Variants in PEPD observed in about 807,000 individuals in gnomAD.
The protein encoded by PEPD is peptidase D, also known as xaa-Pro dipeptidase.
PEPD carries 53 observed loss-of-function variants against 60.7 expected under a neutral mutation model. That is an observed-to-expected ratio of 0.87 (90% confidence interval 0.70 to 1.10). The LOEUF is 1.10. Among genes scored for constraint, PEPD ranks in the 50% least tolerant of loss-of-function variants. PEPD has a pLI of 0.00. For synonymous variants in PEPD, 267 were observed against 284.1 expected (o/e 0.94, Z 0.60); for missense variants, 711 against 711.9 (o/e 1.00, Z 0.01).
At chr19:33,488,886 A>G (rs1035814764) in intron 6 of PEPD, among the ~76,000 whole-genome samples, 2 of 152,104 alleles carry the variant, frequency 1.3e-5, no homozygotes, top group East Asian at 1.9e-4. Context: ...TAGGGGATGC[A>G]TGATAGGGGA....
chr19:33,448,770 T>A (rs1459374709), intron 9 of PEPD, among the ~76,000 whole-genome samples: 1 of 152,128 alleles, frequency 6.6e-6, no homozygotes, highest in Non-Finnish European at 1.5e-5. Flanking sequence ...TGCTGCTCTG[T>A]GGAAATTCCA....
chr19:33,439,259 T>C (rs1288792571), intron 9 of PEPD, among the ~76,000 whole-genome samples: 1 of 152,228 alleles, frequency 6.6e-6, no homozygotes, highest in East Asian at 1.9e-4. Flanking sequence ...ACTAGCACCT[T>C]AGTCCTGTGC....
chr19:33,428,435 G>A (rs369366867), intron 9 of PEPD, among the ~76,000 whole-genome samples: 1 of 152,178 alleles, frequency 6.6e-6, no homozygotes, highest in South Asian at 2.1e-4. Context: ...TCTTTAACAG[G>A]TCCCCTCCTG....
At chr19:33,409,543 C>T (rs1223492100) in intron 11 of PEPD, among the ~76,000 whole-genome samples, 1 of 152,182 alleles carries the variant, frequency 6.6e-6, no homozygotes, top group Non-Finnish European at 1.5e-5. Flanking sequence ...GGCATGGTGG[C>T]TTGTACCTGT....
Position 33,425,297 on chromosome 19 carries a change from AAAACAAAC to A in PEPD, c.672-11662_672-11655del, listed in dbSNP as rs113458763. ...GGGCGACAGAGTGAGATTCAGTCTC[AAAACAAAC>A]AAACAAACAAACAAACAAAAAGGCT... On this transcript the variant is annotated intron_variant, in intron 9 of 14. Transcript: ENST00000244137. 3.1e-3 allele frequency among the ~76,000 whole-genome samples: 471 copies of A among 151,212 alleles called. 2 individuals carry two copies. Among genetic ancestry groups the A allele is most frequent in the Non-Finnish European group, 5.2e-3 (356 of 67,850 alleles).
At chr19:33,396,680 G>A (rs985999641) in intron 12 of PEPD, among the ~76,000 whole-genome samples, 4 of 139,874 alleles carry the variant, frequency 2.9e-5, no homozygotes, top group Admixed American at 2.9e-4. Context: ...ACAGGAAAGA[G>A]TAGAGAAAGG....
At chr19:33,516,360 G>C (rs1030927646) in intron 1 of PEPD, among the ~76,000 whole-genome samples, 2 of 152,172 alleles carry the variant, frequency 1.3e-5, no homozygotes, top group East Asian at 1.9e-4. Flanking sequence ...CCAGGTCCCA[G>C]GGTAAATAAG....
At chr19:33,427,861 T>C (rs1224565670) in intron 9 of PEPD, among the ~76,000 whole-genome samples, 1 of 152,212 alleles carries the variant, frequency 6.6e-6, no homozygotes, top group Non-Finnish European at 1.5e-5. Flanking sequence ...ACACCAACAC[T>C]ACTCCCCAAA....
intron 9 of PEPD, among the ~76,000 whole-genome samples, chr19:33,427,210 C>G (rs900845632): frequency 2.0e-5 from 3 of 152,188 alleles, no homozygotes; most frequent in African/African-American, 7.2e-5. Context: ...AGTGCCTTGG[C>G]CAGGGATGCA....
intron 11 of PEPD, among the ~76,000 whole-genome samples, chr19:33,408,649 G>T (rs932142599): frequency 1.3e-5 from 2 of 152,266 alleles, no homozygotes; most frequent in African/African-American, 4.8e-5. Context: ...ATATCTCTGG[G>T]GTGTCTTCCC....
chr19:33,469,333 G>A (rs536032311), intron 7 of PEPD, among the ~76,000 whole-genome samples: 119 of 152,238 alleles, frequency 7.8e-4, no homozygotes, highest in Non-Finnish European at 1.4e-3. Context: ...GGCCAAGCAA[G>A]CCCCAGTCAC....
At chr19:33,473,781 C>T (rs879136473) in intron 7 of PEPD, among the ~76,000 whole-genome samples, 1 of 152,170 alleles carries the variant, frequency 6.6e-6, no homozygotes, top group African/African-American at 2.4e-5. Context: ...AACTTTTGAC[C>T]TTCACATTCA....
At chr19:33,411,864 A>G in intron 10 of PEPD, 115 bp from the exon 11 acceptor site, 1 of 729,382 alleles carries the variant, frequency 1.4e-6, no homozygotes. Flanking sequence ...CCTCCAGCAC[A>G]GGCCCAGGCG....
chr19:33,466,104 C>G (rs1264398305), intron 7 of PEPD, among the ~76,000 whole-genome samples: 1 of 152,184 alleles, frequency 6.6e-6, no homozygotes, highest in Non-Finnish European at 1.5e-5. Flanking sequence ...AAGTATGTGG[C>G]TCTGAGAAAA....
chr19:33,404,378 G>C (rs1197703674), intron 11 of PEPD, among the ~76,000 whole-genome samples: 1 of 152,166 alleles, frequency 6.6e-6, no homozygotes, highest in Non-Finnish European at 1.5e-5. Context: ...AAGGTGACCT[G>C]CAACAGCAGC....
chr19:33,487,236 G>A (rs1473133508), intron 6 of PEPD: 1 of 152,420 alleles, frequency 6.6e-6, no homozygotes, highest in Non-Finnish European at 1.5e-5. Context: ...GGAAGGCAGG[G>A]GGATGAGCTG....
chr19:33,472,236 G>A (rs1157232126), intron 7 of PEPD, among the ~76,000 whole-genome samples: 3 of 152,034 alleles, frequency 2.0e-5, no homozygotes, highest in African/African-American at 4.8e-5. Flanking sequence ...GCTGAGGCGG[G>A]AGGATGACCT....
intron 9 of PEPD, among the ~76,000 whole-genome samples, chr19:33,430,172 G>A (rs1007664070): frequency 6.6e-6 from 1 of 152,192 alleles, no homozygotes; most frequent in Non-Finnish European, 1.5e-5. Context: ...GAACATCCCC[G>A]GGAAGGACAT....
At chr19:33,434,215 C>A (rs1969330358) in intron 9 of PEPD, among the ~76,000 whole-genome samples, 1 of 152,138 alleles carries the variant, frequency 6.6e-6, no homozygotes, top group Non-Finnish European at 1.5e-5. Context: ...ACAGTTCTCC[C>A]TGTATGGACA....
Sources: allele counts gnomAD v4.1 joint callset (sites outside exome capture counted in the v4.1 genomes callset), GRCh38; gene constraint gnomAD v4.1.1; transcripts MANE v1.5; gene names NCBI Gene and HGNC (gene_info 2026-07-23, HGNC 2026-07-21).